The following HOOK3 variants were observed in gnomAD, a reference collection of about 807,000 sequenced individuals.
HOOK3 encodes protein Hook homolog 3.
HOOK3 carries 24 observed loss-of-function variants against 116.3 expected under a neutral mutation model. That is an observed-to-expected ratio of 0.21 (90% CI 0.15 to 0.29). The LOEUF (loss-of-function observed/expected upper bound fraction) is 0.29, where lower values mean the gene tolerates loss of function less well. Ranked by LOEUF, HOOK3 falls within the 10% of genes least tolerant of loss-of-function variation. The pLI is 1.00. For missense variants in HOOK3, 632 were observed against 830.2 expected (o/e 0.76, Z 2.93); for synonymous variants, 275 against 283.0 (o/e 0.97, Z 0.28).
chr8:43,013,489 C>A, intron 21 of HOOK3, 89 bp downstream of exon 21: 1 of 1,069,202 alleles, frequency 9.4e-7, no homozygotes, highest in Non-Finnish European at 1.3e-6. Flanking sequence ...GTCACTCTAC[C>A]AAATGAATCT....
intron 2 of HOOK3, among the ~76,000 whole-genome samples, chr8:42,907,765 G>A (rs564008951): frequency 6.9e-5 from 10 of 143,916 alleles, no homozygotes; most frequent in African/African-American, 2.4e-4. Flanking sequence ...AACCAGACAA[G>A]GATGTCGACT....
Position 43,004,629 on chromosome 8 carries a change from C to T in HOOK3, c.1655+2488C>T, listed in dbSNP as rs188419817. On this transcript the variant is annotated intron_variant, in intron 17 of 21. Transcript: ENST00000307602. ...CTGGGAGGCAGAGGTTGCAGTGAGC[C>T]GAGGTCATGTCACTGCACTGCAGCC... is the stretch of plus-strand genomic sequence containing the variant. Among the ~76,000 whole-genome samples, 187 of 145,736 alleles carry T rather than the reference C, an allele frequency of 1.3e-3. 1 individual carries two copies. The highest frequency in any genetic ancestry group is 3.2e-3 in the East Asian group (16 of 4,930).
rs1311662604 is a variant in HOOK3 at position 43,021,926 on chromosome 8, C to T, written c.*3428C>T. 5.8e-6 allele frequency: 1 copy of T among 173,290 alleles called. No individual in the cohort carries two copies. Among genetic ancestry groups the T allele is most frequent in the Non-Finnish European group, 1.2e-5 (1 of 80,182 alleles). The allele number at this position is 173,290 out of a possible 1,614,324, so 10.7% of individuals were successfully genotyped here. A position where few individuals can be genotyped will look rare whatever the true frequency, so the allele number is the denominator to read the frequency against. On this transcript the variant is annotated 3_prime_UTR_variant, in exon 22 of 22. Coordinates refer to ENST00000307602, the MANE Select transcript of HOOK3 (RefSeq NM_032410.4). ...CCTCGTGATCCACCCGCCTCAGCCTCCCAGAGTGCTGGGATTACAGGCGTG... is the reference window on the plus strand; with the variant it reads ...CCTCGTGATCCACCCGCCTCAGCCTTCCAGAGTGCTGGGATTACAGGCGTG...
At chr8:43,012,422 G>T (rs995297023) in intron 19 of HOOK3, among the ~76,000 whole-genome samples, 2 of 152,068 alleles carry the variant, frequency 1.3e-5, no homozygotes, top group African/African-American at 4.8e-5. Context: ...CATATATGTG[G>T]TTCATCGTTG....
At chr8:42,960,397 A>G (rs529214979) in intron 8 of HOOK3, among the ~76,000 whole-genome samples, 2 of 152,342 alleles carry the variant, frequency 1.3e-5, no homozygotes, top group East Asian at 3.9e-4. Context: ...GGTTATGAGA[A>G]GAGAAGAGGT....
chr8:42,911,892 A>G (rs1586587266), intron 2 of HOOK3, among the ~76,000 whole-genome samples: 1 of 152,228 alleles, frequency 6.6e-6, no homozygotes, highest in African/African-American at 2.4e-5. Flanking sequence ...TCCGAGTGGT[A>G]TTGAAAAATC....
At chr8:42,905,285 G>A (rs1280904966) in intron 1 of HOOK3, among the ~76,000 whole-genome samples, 2 of 141,816 alleles carry the variant, frequency 1.4e-5, no homozygotes, top group Admixed American at 1.4e-4. Flanking sequence ...TTTACCTTTA[G>A]GACATAGTTC....
In HOOK3 at chr8:43,019,181, G is replaced by T; in HGVS notation, c.*683G>T. 4.7e-6 allele frequency: 1 copy of T among 210,648 alleles called. No homozygotes were observed. The highest frequency in any genetic ancestry group is 2.3e-5 in the African/African-American group (1 of 44,274). The allele number at this position is 210,648 out of a possible 1,614,324, so 13.0% of individuals were successfully genotyped here. A position where few individuals can be genotyped will look rare whatever the true frequency, so the allele number is the denominator to read the frequency against. On this transcript the variant is annotated 3_prime_UTR_variant, in exon 22 of 22. Coordinates refer to ENST00000307602, the MANE Select transcript of HOOK3 (RefSeq NM_032410.4). ...AATACATAAAATTTCATTATTTCCT[G>T]CTATCTTGTTTGCTGGCAGAAGTGA... is the stretch of plus-strand genomic sequence containing the variant.
intron 10 of HOOK3, 94 bp downstream of exon 10, chr8:42,966,707 A>T: frequency 7.1e-7 from 1 of 1,403,036 alleles, no homozygotes. Flanking sequence ...GAGCCAGGCT[A>T]CCTGGGCTGG....
At chr8:42,948,811 CTT>C (rs1808284596) in intron 5 of HOOK3, among the ~76,000 whole-genome samples, 1 of 152,150 alleles carries the variant, frequency 6.6e-6, no homozygotes, top group Non-Finnish European at 1.5e-5. Context: ...TAAAGGAATT[CTT>C]TTTTGACTAA....
rs149832980 is a variant in HOOK3, at chr8:42,898,030, T to G, written c.57+842T>G. 4.0e-3 allele frequency among the ~76,000 whole-genome samples: 608 copies of G among 152,332 alleles called. 1 individual carries two copies. Among genetic ancestry groups the G allele is most frequent in the Non-Finnish European group, 6.0e-3 (405 of 68,018 alleles). ...AGAATGTTAATTAAATGTTTACGGA[T>G]GTGTTTATGAAGGCTACTACAGCAT... On this transcript the variant is annotated intron_variant, in intron 1 of 21. Transcript: ENST00000307602.
intron 4 of HOOK3, among the ~76,000 whole-genome samples, chr8:42,934,040 CTTA>C (rs778632422): frequency 1.3e-5 from 2 of 151,914 alleles, no homozygotes; most frequent in South Asian, 4.2e-4. Flanking sequence ...AAATTTTCAT[CTTA>C]TTATTATTTA....
At chr8:42,993,416 G>C (rs574650439) in intron 15 of HOOK3, among the ~76,000 whole-genome samples, 24 of 152,250 alleles carry the variant, frequency 1.6e-4, no homozygotes, top group African/African-American at 5.5e-4. Flanking sequence ...CAAAGTGTTG[G>C]GATTACAGGC....
chr8:42,981,291 G>T (rs185225438), intron 13 of HOOK3, among the ~76,000 whole-genome samples: 2 of 151,778 alleles, frequency 1.3e-5, no homozygotes, highest in African/African-American at 2.4e-5. Context: ...GAGCTCAATC[G>T]ATCCGCCCAC....
intron 13 of HOOK3, among the ~76,000 whole-genome samples, chr8:42,976,913 T>TGAATA (rs1808841536): frequency 2.0e-5 from 3 of 152,094 alleles, no homozygotes; most frequent in Non-Finnish European, 4.4e-5. Flanking sequence ...TACTGCATGG[T>TGAATA]GAATAGTGTT....
intron 4 of HOOK3, among the ~76,000 whole-genome samples, chr8:42,938,800 G>A (rs920933047): frequency 6.6e-6 from 1 of 151,970 alleles, no homozygotes; most frequent in Non-Finnish European, 1.5e-5. Context: ...AATAGTGGAG[G>A]GAAGATCAGC....
At chr8:42,955,993 G>A (rs1451903530) in intron 6 of HOOK3, among the ~76,000 whole-genome samples, 2 of 151,966 alleles carry the variant, frequency 1.3e-5, no homozygotes, top group African/African-American at 4.8e-5. Context: ...CCAGCCTCCC[G>A]AGTAGCTGGA....
At chr8:42,974,083 C>G (rs550037510) in intron 12 of HOOK3, 24 bp from the exon 13 acceptor site, 9 of 1,556,672 alleles carry the variant, frequency 5.8e-6, no homozygotes, top group Non-Finnish European at 7.1e-6. Context: ...GAAGCTAACC[C>G]TCCATGTTTT....
At position 43,018,882 on chromosome 8, in the gene HOOK3, A is replaced by AG. The variant is rs1809769124; in HGVS notation, c.*385dup. 8.6e-6 allele frequency: 2 copies of AG among 231,460 alleles called. No homozygotes were observed. Among genetic ancestry groups the AG allele is most frequent in the African/African-American group, 4.4e-5 (2 of 45,170 alleles). The allele number at this position is 231,460 out of a possible 1,614,324, so 14.3% of individuals were successfully genotyped here. Reference sequence around the variant, plus strand: ...ATTGTGCCTGTGTGTTACCATGCTAAGAATGTCTTTGTTTAAAGGGAATTA... The same window carrying AG: ...ATTGTGCCTGTGTGTTACCATGCTAAGGAATGTCTTTGTTTAAAGGGAATTA... On this transcript the variant is annotated 3_prime_UTR_variant, in exon 22 of 22. Transcript: ENST00000307602.
Sources: allele counts gnomAD v4.1 joint callset (sites outside exome capture counted in the v4.1 genomes callset), GRCh38; gene constraint gnomAD v4.1.1; transcripts MANE v1.5; gene names NCBI Gene and HGNC (gene_info 2026-07-23, HGNC 2026-07-21).